Variants in CPZ observed in about 807,000 individuals in gnomAD.
CPZ encodes VEZT/CPZ fusion.
In CPZ, 103 loss-of-function variants were observed where a neutral mutation model predicts 61.8. That is an observed-to-expected ratio of 1.67 (90% CI 1.42 to 1.96). CPZ has a LOEUF of 1.96. CPZ is among the 30% of genes most tolerant of loss of function. The pLI, the probability that CPZ is intolerant of heterozygous loss-of-function variation, is 0.00. For synonymous variants in CPZ, 551 were observed against 373.7 expected, an observed-to-expected ratio of 1.47 and a Z score of -5.47; for missense variants, 1,461 against 914.9, an observed-to-expected ratio of 1.60 and a Z score of -7.70.
intron 8 of CPZ, 56 bp from the exon 9 acceptor site, chr4:8,614,303 C>T: frequency 3.2e-6 from 5 of 1,577,502 alleles, no homozygotes; most frequent in Non-Finnish European, 4.3e-6. Flanking sequence ...CCCTGACGTC[C>T]CGGCTGTCTC....
intron 8 of CPZ, among the ~76,000 whole-genome samples, chr4:8,612,520 G>A (rs1715799171): frequency 6.6e-6 from 1 of 152,316 alleles, no homozygotes; most frequent in Admixed American, 6.5e-5. Context: ...AGACCGTGAG[G>A]AATTGTTTTT....
chr4:8,617,492 CA>C (rs768206680), intron 9 of CPZ, among the ~76,000 whole-genome samples: 4 of 152,204 alleles, frequency 2.6e-5, no homozygotes, highest in Non-Finnish European at 4.4e-5. Context: ...TAAAATTATA[CA>C]ACAGTCGACA....
chr4:8,610,594 G>A (rs998361247), intron 7 of CPZ, among the ~76,000 whole-genome samples: 3 of 152,252 alleles, frequency 2.0e-5, no homozygotes, highest in African/African-American at 7.2e-5. Flanking sequence ...TCAGAGGTGG[G>A]ACACAGGTAG....
At position 8,607,441 on chromosome 4, in the gene CPZ, G is replaced by A. The variant is rs369346850; in HGVS notation, c.1227+16G>A. 2.5e-5 allele frequency: 41 copies of A among 1,612,598 alleles called. No individual in the cohort carries two copies. The highest frequency in any genetic ancestry group is 3.3e-5 in the Non-Finnish European group (39 of 1,179,522). ...CGACGAGAAGGTGAGAGGGCTGTCGGGTGTGTGCAGGGGAGGGAGACAGTG... is the reference window on the plus strand; with the variant it reads ...CGACGAGAAGGTGAGAGGGCTGTCGAGTGTGTGCAGGGGAGGGAGACAGTG... On this transcript the variant is annotated intron_variant, in intron 7 of 10. Transcript: ENST00000360986.
At chr4:8,614,141 G>A (rs758751990) in intron 8 of CPZ, among the ~76,000 whole-genome samples, 16 of 152,250 alleles carry the variant, frequency 1.1e-4, no homozygotes, top group Non-Finnish European at 1.8e-4. Context: ...CCACCTTGCA[G>A]TTGTTCAGCC....
rs180911813 is a variant in CPZ, at chr4:8,613,739, C to G, written c.1364-620C>G. On this transcript the variant is annotated intron_variant, in intron 8 of 10. Coordinates refer to ENST00000360986, the MANE Select transcript of CPZ (RefSeq NM_001014447.3). ...CAGAAGCGGGTATGGCTGGGGTCGA[C>G]CCAGCTTGCTCTGAGGCCTTCTCGG... is the stretch of plus-strand genomic sequence containing the variant. Among the ~76,000 whole-genome samples the G allele has an allele frequency of 2.4e-3, 368 of 152,328 alleles. 4 individuals are homozygous for G. Among genetic ancestry groups the G allele is most frequent in the African/African-American group, 8.5e-3 (352 of 41,580 alleles).
intron 1 of CPZ, among the ~76,000 whole-genome samples, chr4:8,595,275 C>G (rs1414374703): frequency 6.6e-6 from 1 of 152,208 alleles, no homozygotes; most frequent in African/African-American, 2.4e-5. Flanking sequence ...TACTGGAGAC[C>G]ATGGCTTGAG....
At chr4:8,613,643 C>T (rs1384298429) in intron 8 of CPZ, among the ~76,000 whole-genome samples, 2 of 152,194 alleles carry the variant, frequency 1.3e-5, no homozygotes, top group Non-Finnish European at 2.9e-5. Context: ...GTGCTATCAT[C>T]CTAGGCCTGC....
intron 7 of CPZ, chr4:8,611,146 C>T (rs1368626102): frequency 2.3e-6 from 1 of 437,954 alleles, no homozygotes; most frequent in Admixed American, 2.4e-5. Context: ...GTGTCCTCCA[C>T]TCCTCCTTTC....
intron 9 of CPZ, among the ~76,000 whole-genome samples, chr4:8,615,883 A>C (rs536337975): frequency 1.3e-5 from 2 of 152,342 alleles, no homozygotes; most frequent in Middle Eastern, 3.4e-3. Flanking sequence ...AAAGCCCCAC[A>C]CAAAGTAAAA....
chr4:8,593,475 T>C (rs1290034948), intron 1 of CPZ, among the ~76,000 whole-genome samples: 5 of 151,754 alleles, frequency 3.3e-5, no homozygotes, highest in African/African-American at 1.2e-4. Flanking sequence ...CTCTGGGAGG[T>C]CTGCCCGCAC....
chr4:8,618,205 C>T (rs748902681), intron 9 of CPZ: 8 of 563,962 alleles, frequency 1.4e-5, no homozygotes, highest in Admixed American at 3.1e-5. Flanking sequence ...CATTCAAAAG[C>T]CCAGAACGTG....
chr4:8,596,723 C>A (rs895374478), intron 1 of CPZ, among the ~76,000 whole-genome samples: 1 of 152,154 alleles, frequency 6.6e-6, no homozygotes, highest in Non-Finnish European at 1.5e-5. Flanking sequence ...AGTCTTAGTG[C>A]CCTCATCTGT....
chr4:8,599,622 C>T lies in CPZ; in HGVS notation c.121+137C>T, dbSNP rs527648702. 1.2e-5 allele frequency: 18 copies of T among 1,486,010 alleles called. No homozygotes were observed. In the East Asian group the frequency reaches 2.8e-4, roughly 23 times the overall value. The allele number at this position is 1,486,010 out of a possible 1,614,324, so 92.1% of individuals were successfully genotyped here. On this transcript the variant is annotated intron_variant, in intron 2 of 10. Transcript: ENST00000360986. ...ACACAGCCCATTAATCAAACTAGAA[C>T]CCCCTCGTAAACAGCCAGAGAAAAA...
Position 8,612,115 on chromosome 4 carries a change from A to T in CPZ, c.1316A>T (p.Lys439Met). ...SENRCGGNFL[K>M]RGSIINGADW... is the part of the protein sequence containing the mutation. Reference sequence around the variant, plus strand: ...AATAGGTGTGGAGGCAATTTCCTGAAGAGGGGGAGCATCATCAACGGGGCG... The same window carrying T: ...AATAGGTGTGGAGGCAATTTCCTGATGAGGGGGAGCATCATCAACGGGGCG... Residue 439 changes from lysine to methionine, a missense_variant, in exon 8 of 11, where the codon AAG (lysine) becomes ATG (methionine). By Grantham distance (95) the Lys-to-Met change is moderately conservative. Transcript: ENST00000360986. 6.3e-7 allele frequency: 1 copy of T among 1,595,354 alleles called. No homozygotes were observed. The highest frequency in any genetic ancestry group is 1.7e-4 in the Middle Eastern group (1 of 5,980).
At position 8,612,134 on chromosome 4, in the gene CPZ, C is replaced by G; in HGVS notation, c.1335C>G (p.Asn445Lys). Reference sequence around the variant, plus strand: ...TCCTGAAGAGGGGGAGCATCATCAACGGGGCGGACTGGTACAGCTTCACGG... The same window carrying G: ...TCCTGAAGAGGGGGAGCATCATCAAGGGGGCGGACTGGTACAGCTTCACGG... ...GNFLKRGSII[N>K]GADWYSFTGG... The change falls in exon 8 of 11, where the codon AAC (asparagine) becomes AAG (lysine). Residue 445 changes from asparagine to lysine, a missense_variant. Coordinates refer to ENST00000360986, the MANE Select transcript of CPZ (RefSeq NM_001014447.3). 1 of 1,418,120 alleles carries G rather than the reference C, an allele frequency of 7.1e-7. No individual in the cohort carries two copies. The highest frequency in any genetic ancestry group is 1.2e-5 in the South Asian group (1 of 86,944). 87.8% of individuals were successfully genotyped at this position (1,418,120 alleles called of 1,614,324 possible).
intron 3 of CPZ, 83 bp downstream of exon 3, chr4:8,601,580 A>G: frequency 7.4e-7 from 1 of 1,353,518 alleles, no homozygotes; most frequent in Non-Finnish European, 9.7e-7. Context: ...AAGGAACTTG[A>G]GGGCTTTTCC....
intron 10 of CPZ, among the ~76,000 whole-genome samples, chr4:8,618,992 G>A (rs964355474): frequency 2.7e-5 from 4 of 150,316 alleles, no homozygotes; most frequent in South Asian, 2.2e-4. Context: ...AGAAGAGGGG[G>A]ACTTTTGCTA....
chr4:8,609,948 A>C (rs1715513478), intron 7 of CPZ, among the ~76,000 whole-genome samples: 1 of 152,198 alleles, frequency 6.6e-6, no homozygotes, highest in African/African-American at 2.4e-5. Context: ...GACGAGAGCC[A>C]GTGCCTGGGG....
Sources: allele counts gnomAD v4.1 joint callset (sites outside exome capture counted in the v4.1 genomes callset), GRCh38; gene constraint gnomAD v4.1.1; transcripts MANE v1.5; gene names NCBI Gene and HGNC (gene_info 2026-07-23, HGNC 2026-07-21).